VAV2: variants seen among roughly 807,000 people sequenced by gnomAD.
VAV2 encodes guanine nucleotide exchange factor VAV2.
Under a neutral mutation model 132.5 loss-of-function variants are expected in VAV2, and 67 were observed. That is an observed-to-expected ratio of 0.51 (90% confidence interval 0.42 to 0.62). The LOEUF (loss-of-function observed/expected upper bound fraction) is 0.62, where lower values mean the gene tolerates loss of function less well. Among genes scored for constraint, VAV2 ranks in the 20% least tolerant of loss-of-function variants. The pLI is 0.00. For missense variants in VAV2, 938 were observed against 1,153.6 expected (o/e 0.81, Z 2.71); for synonymous variants, 492 against 443.5 (o/e 1.11, Z -1.37).
chr9:133,962,250 C>T (rs1841990210), intron 1 of VAV2, among the ~76,000 whole-genome samples: 1 of 152,104 alleles, frequency 6.6e-6, no homozygotes, highest in African/African-American at 2.4e-5. Flanking sequence ...TGACCAGTGT[C>T]TTCTGAAGGC....
chr9:133,977,244 G>C (rs904723229), intron 1 of VAV2, among the ~76,000 whole-genome samples: 1 of 152,244 alleles, frequency 6.6e-6, no homozygotes, highest in African/African-American at 2.4e-5. Context: ...TCCATTTGAG[G>C]AGCAGCCCAG....
At chr9:133,940,070 G>T (rs1841081144) in intron 1 of VAV2, among the ~76,000 whole-genome samples, 1 of 152,220 alleles carries the variant, frequency 6.6e-6, no homozygotes, top group South Asian at 2.1e-4. Context: ...GGTGGCCCGG[G>T]GGGCACGCTC....
chr9:133,969,411 C>A lies in VAV2; in HGVS notation c.204+22664G>T, dbSNP rs2132251446. Reference sequence around the variant, plus strand: ...TGGTCACTCCCAGGCTGGGGCCAGACCCACCAAGACCACTGACCTCCCACC... The same window carrying A: ...TGGTCACTCCCAGGCTGGGGCCAGAACCACCAAGACCACTGACCTCCCACC... On this transcript the variant is annotated intron_variant, in intron 1 of 29. Transcript: ENST00000371850. The surrounding 1 kb of genome is among the most constrained non-coding windows in gnomAD (Gnocchi z 5.1). Among the ~76,000 whole-genome samples the A allele has an allele frequency of 1.3e-5, 2 of 152,242 alleles. 1 individual carries two copies. The highest frequency in any genetic ancestry group is 3.9e-4 in the East Asian group (2 of 5,184).
rs542092814 is a variant in VAV2, at chr9:133,912,419, C to T, written c.321+26684G>A. Among the ~76,000 whole-genome samples the T allele has an allele frequency of 6.6e-6, 1 of 152,312 alleles. No homozygotes were observed. Among genetic ancestry groups the T allele is most frequent in the East Asian group, 1.9e-4 (1 of 5,178 alleles). ...CCGGAGGCTTCTGGAGGACAGTGTGCCTAGATGAAGGAACCAGGACGCAGT... is the reference window on the plus strand; with the variant it reads ...CCGGAGGCTTCTGGAGGACAGTGTGTCTAGATGAAGGAACCAGGACGCAGT... On this transcript the variant is annotated intron_variant, in intron 2 of 29. Transcript: ENST00000371850. The surrounding 1 kb of genome is among the most constrained non-coding windows in gnomAD (Gnocchi z 4.3).
rs1044356440 is a variant in VAV2, at chr9:133,935,232, A to G, written c.321+3871T>C. Among the ~76,000 whole-genome samples the G allele has an allele frequency of 6.6e-6, 1 of 152,204 alleles. No homozygotes were observed. The highest frequency in any genetic ancestry group is 1.5e-5 in the Non-Finnish European group (1 of 68,038). On this transcript the variant is annotated intron_variant, in intron 2 of 29. Transcript: ENST00000371850. This position sits in a 1 kb window ranked among gnomAD's most constrained non-coding sequence, Gnocchi z 5.2. ...AGGGCGTCCCAACTGGGCTGAGCTCATGAATGACAAAAGATGAATCTGGAC... is the reference window on the plus strand; with the variant it reads ...AGGGCGTCCCAACTGGGCTGAGCTCGTGAATGACAAAAGATGAATCTGGAC...
intron 1 of VAV2, among the ~76,000 whole-genome samples, chr9:133,966,959 C>G (rs961598151): frequency 2.7e-5 from 4 of 145,862 alleles, no homozygotes; most frequent in Admixed American, 7.1e-5. Flanking sequence ...TGCTTGAACC[C>G]AGGAGGCAGA....
chr9:133,852,935 A>G (rs1837242909), intron 3 of VAV2, among the ~76,000 whole-genome samples: 1 of 152,182 alleles, frequency 6.6e-6, no homozygotes, highest in Non-Finnish European at 1.5e-5. Flanking sequence ...GCCAATGTGC[A>G]CCATGCACTT....
intron 3 of VAV2, among the ~76,000 whole-genome samples, chr9:133,859,624 A>AAAAAC (rs987057724): frequency 3.3e-5 from 5 of 152,090 alleles, no homozygotes; most frequent in Admixed American, 6.5e-5. Context: ...AATATGTAAA[A>AAAAAC]AAAACAAAAC....
At chr9:133,903,190 G>A (rs934473885) in intron 2 of VAV2, among the ~76,000 whole-genome samples, 2 of 149,190 alleles carry the variant, frequency 1.3e-5, no homozygotes, top group Non-Finnish European at 2.9e-5. Flanking sequence ...AGTGCCCCGG[G>A]ACACAGTCTC....
At chr9:133,784,595 G>A (rs1834144513) in intron 17 of VAV2, among the ~76,000 whole-genome samples, 177 bp from the exon 18 acceptor site, 1 of 152,224 alleles carries the variant, frequency 6.6e-6, no homozygotes, top group African/African-American at 2.4e-5. Context: ...CAGACTCCCT[G>A]CTCGTAGAAG....
chr9:133,834,258 T>G lies in VAV2; in HGVS notation c.449+14A>C. On this transcript the variant is annotated intron_variant, in intron 4 of 29. Coordinates refer to ENST00000371850, the MANE Select transcript of VAV2 (RefSeq NM_001134398.2). The surrounding 1 kb of genome is among the most constrained non-coding windows in gnomAD (Gnocchi z 5.9). ...TCCCTCCTCTCCATCCCTCCTCCCA[T>G]CCCCCCGCCTTACTCGGCCAGCTCC... 1 of 1,426,146 alleles carries G rather than the reference T, an allele frequency of 7.0e-7. No individual in the cohort carries two copies. Among genetic ancestry groups the G allele is most frequent in the Non-Finnish European group, 9.7e-7 (1 of 1,034,730 alleles). 88.3% of individuals were successfully genotyped at this position (1,426,146 alleles called of 1,614,324 possible).
chr9:133,897,708 G>C (rs1839269416), intron 2 of VAV2, among the ~76,000 whole-genome samples: 1 of 152,176 alleles, frequency 6.6e-6, no homozygotes, highest in African/African-American at 2.4e-5. Context: ...GTTTAGTGAA[G>C]GCCAAATATG....
chr9:133,954,275 T>A (rs776946174), intron 1 of VAV2, among the ~76,000 whole-genome samples: 3 of 152,128 alleles, frequency 2.0e-5, no homozygotes, highest in Non-Finnish European at 4.4e-5. Context: ...CATCTGTCCA[T>A]CCGCCCACCA....
intron 3 of VAV2, among the ~76,000 whole-genome samples, chr9:133,839,249 T>A (rs1588250574): frequency 1.3e-5 from 2 of 151,920 alleles, no homozygotes; most frequent in African/African-American, 4.8e-5. Context: ...CATGGATGCA[T>A]GTCTGGAAGG....
Position 133,824,213 on chromosome 9 carries a change from C to T in VAV2, c.449+10059G>A, listed in dbSNP as rs1197179340. ...GATGGCTCTGTTAACAGGGAAGGTGCGGACAGGGAGCTCCCGCCCAGCAGT... is the reference window on the plus strand; with the variant it reads ...GATGGCTCTGTTAACAGGGAAGGTGTGGACAGGGAGCTCCCGCCCAGCAGT... On this transcript the variant is annotated intron_variant, in intron 4 of 29. Transcript: ENST00000371850. The surrounding 1 kb of genome is among the most constrained non-coding windows in gnomAD (Gnocchi z 5.2). Among the ~76,000 whole-genome samples the T allele has an allele frequency of 6.6e-6, 1 of 152,078 alleles. No individual in the cohort carries two copies. Among genetic ancestry groups the T allele is most frequent in the East Asian group, 1.9e-4 (1 of 5,184 alleles).
intron 2 of VAV2, among the ~76,000 whole-genome samples, chr9:133,903,263 G>A (rs760948760): frequency 7.2e-5 from 11 of 152,034 alleles, no homozygotes; most frequent in Admixed American, 1.3e-4. Context: ...GCCTCATTTC[G>A]GTTCCAGTAC....
At chr9:133,862,001 T>C (rs766069715) in intron 2 of VAV2, among the ~76,000 whole-genome samples, 2 of 152,214 alleles carry the variant, frequency 1.3e-5, no homozygotes, top group Non-Finnish European at 2.9e-5. Context: ...CCTGGCTCCA[T>C]GGAGGGCTCG....
At chr9:133,905,195 A>G (rs1839596505) in intron 2 of VAV2, among the ~76,000 whole-genome samples, 1 of 151,906 alleles carries the variant, frequency 6.6e-6, no homozygotes, top group African/African-American at 2.4e-5. Flanking sequence ...TCGGAAGGCC[A>G]AGGCGGGTGG....
intron 2 of VAV2, among the ~76,000 whole-genome samples, chr9:133,908,919 T>C (rs1219160341): frequency 1.3e-5 from 2 of 152,246 alleles, no homozygotes; most frequent in South Asian, 2.1e-4. Context: ...CCAGTGGGCA[T>C]GCAGGCAGCT....
Sources: gnomAD v4.1 joint callset for allele counts (sites outside exome capture counted in the v4.1 genomes callset) on GRCh38, gnomAD v4.1.1 for gene constraint, Gnocchi (gnomAD v3.1) non-coding constraint, MANE v1.5 for transcripts, NCBI Gene and HGNC (gene_info 2026-07-23, HGNC 2026-07-21) for gene names.